PTGR2: variants seen among roughly 807,000 people sequenced by gnomAD.
PTGR2 encodes 15-oxoprostaglandin 13-reductase.
Under a neutral mutation model 43.4 loss-of-function variants are expected in PTGR2, and 32 were observed. The observed-to-expected ratio is 0.74, with a 90% CI of 0.56 to 0.99. The LOEUF is 0.99. Ranked by LOEUF, PTGR2 falls within the 50% of genes least tolerant of loss-of-function variation. PTGR2 has a pLI of 0.00. For synonymous variants in PTGR2, 106 were observed against 139.2 expected (o/e 0.76, Z 1.68); for missense variants, 373 against 420.0 (o/e 0.89, Z 0.98).
At chr14:73,853,975 G>GT in intron 1 of PTGR2, among the ~76,000 whole-genome samples, 1 of 152,190 alleles carries the variant, frequency 6.6e-6, no homozygotes, top group Admixed American at 6.5e-5. Context: ...GATTTGCTGA[G>GT]TTTTTTTCCC....
intron 3 of PTGR2, among the ~76,000 whole-genome samples, chr14:73,862,776 C>T (rs2054522269): frequency 6.6e-6 from 1 of 152,046 alleles, no homozygotes; most frequent in Admixed American, 6.5e-5. Flanking sequence ...GGTGTGAATA[C>T]AGCTCACTGC....
chr14:73,862,571 C>T (rs940456653), intron 3 of PTGR2, among the ~76,000 whole-genome samples: 7 of 151,968 alleles, frequency 4.6e-5, no homozygotes, highest in African/African-American at 9.7e-5. Context: ...AAAGAGTGCC[C>T]GTACAAAGGA....
intron 7 of PTGR2, 144 bp downstream of exon 7, chr14:73,880,320 C>A (rs2140275087): frequency 2.1e-6 from 2 of 949,428 alleles, no homozygotes; most frequent in African/African-American, 1.6e-5. Flanking sequence ...TGCCTGTAAT[C>A]CTAGCACTTT....
rs1055050615 is a variant in PTGR2, at chr14:73,857,205, T to A, written c.-47-1611T>A. Among the ~76,000 whole-genome samples the A allele has an allele frequency of 4.6e-5, 7 of 151,928 alleles. No individual in the cohort carries two copies. In the East Asian group the frequency reaches 1.4e-3, roughly 29 times the overall value. On this transcript the variant is annotated intron_variant, in intron 1 of 9. Coordinates refer to ENST00000555661, the MANE Select transcript of PTGR2 (RefSeq NM_001146154.2). ...ATTTTTAAATTCCTTGATATATTAC[T>A]TTTATTGTCAGCTAAACTATAAAGG...
chr14:73,865,667 G>A (rs138398190), intron 3 of PTGR2, among the ~76,000 whole-genome samples: 56 of 151,738 alleles, frequency 3.7e-4, no homozygotes, highest in African/African-American at 1.3e-3. Flanking sequence ...TAACTGGGAC[G>A]ATAGGTGCAA....
chr14:73,862,333 G>A (rs775034045), intron 3 of PTGR2, among the ~76,000 whole-genome samples: 28 of 151,858 alleles, frequency 1.8e-4, no homozygotes, highest in Non-Finnish European at 4.0e-4. Context: ...TCAGCCACCC[G>A]AGCAGCCAGG....
At chr14:73,879,382 A>C (rs1001086656) in intron 6 of PTGR2, 77 bp downstream of exon 6, 2 of 1,296,660 alleles carry the variant, frequency 1.5e-6, no homozygotes, top group Non-Finnish European at 2.2e-6. Context: ...AATACTGAGA[A>C]AAAAATTTAT....
chr14:73,866,882 C>T (rs1037740596), intron 3 of PTGR2, among the ~76,000 whole-genome samples: 2 of 151,570 alleles, frequency 1.3e-5, no homozygotes, highest in African/African-American at 4.8e-5. Context: ...TGAGGTCAGA[C>T]GTTCAGGACC....
chr14:73,868,027 T>C (rs2054641520), intron 3 of PTGR2, among the ~76,000 whole-genome samples: 1 of 152,122 alleles, frequency 6.6e-6, no homozygotes, highest in Non-Finnish European at 1.5e-5. Flanking sequence ...TGGCTCACGC[T>C]TGTAATCCTA....
chr14:73,883,000 T>C (rs1314910603), intron 9 of PTGR2, among the ~76,000 whole-genome samples: 3 of 150,502 alleles, frequency 2.0e-5, no homozygotes, highest in East Asian at 3.9e-4. Flanking sequence ...TTTGTATTTT[T>C]AGTAGAGACA....
At position 73,876,980 on chromosome 14, in the gene PTGR2, G is replaced by T. The variant is rs778037387; in HGVS notation, c.349-18G>T. The T allele has an allele frequency of 6.3e-7, 1 of 1,593,990 alleles. No homozygotes were observed. The highest frequency in any genetic ancestry group is 8.6e-7 in the Non-Finnish European group (1 of 1,165,228). Reference sequence around the variant, plus strand: ...CAGGAATTCCTAGTATTTTTAAAGGGTATATATTTTATTTTAGGTAGACCC... The same window carrying T: ...CAGGAATTCCTAGTATTTTTAAAGGTTATATATTTTATTTTAGGTAGACCC... On this transcript the variant is annotated intron_variant, in intron 4 of 9. Transcript: ENST00000555661.
Position 73,879,088 on chromosome 14 carries a change from C to T in PTGR2, c.520-8C>T, listed in dbSNP as rs1407076747. 1.9e-6 allele frequency: 3 copies of T among 1,610,510 alleles called. No homozygotes were observed. Among genetic ancestry groups the T allele is most frequent in the African/African-American group, 2.7e-5 (2 of 74,744 alleles). ...TAAAGCCATTTAATCTTCAAATTTC[C>T]CCCCTAGATTGGCCATTTCTTAGGT... On this transcript the variant is annotated splice_polypyrimidine_tract_variant and splice_region_variant and intron_variant, in intron 5 of 9. Coordinates refer to ENST00000555661, the MANE Select transcript of PTGR2 (RefSeq NM_001146154.2).
At chr14:73,857,377 C>T (rs1197078768) in intron 1 of PTGR2, among the ~76,000 whole-genome samples, 1 of 151,648 alleles carries the variant, frequency 6.6e-6, no homozygotes, top group Non-Finnish European at 1.5e-5. Flanking sequence ...CTTTGTGAGG[C>T]CAAGGTGGGC....
chr14:73,868,034 C>T (rs1352634468), intron 3 of PTGR2, among the ~76,000 whole-genome samples: 1 of 152,180 alleles, frequency 6.6e-6, no homozygotes, highest in Admixed American at 6.5e-5. Flanking sequence ...CGCTTGTAAT[C>T]CTAGCACTTT....
chr14:73,880,254 C>G, intron 7 of PTGR2, 78 bp downstream of exon 7: 2 of 1,513,164 alleles, frequency 1.3e-6, no homozygotes, highest in Non-Finnish European at 1.8e-6. Flanking sequence ...ATCTATTGTT[C>G]TTCATAGACA....
intron 1 of PTGR2, among the ~76,000 whole-genome samples, chr14:73,853,233 A>T (rs2140224000): frequency 6.6e-6 from 1 of 152,304 alleles, no homozygotes; most frequent in Admixed American, 6.5e-5. Flanking sequence ...TGGAAATAGC[A>T]GGTGCCGTGT....
At chr14:73,859,113 A>T in intron 2 of PTGR2, among the ~76,000 whole-genome samples, 1 of 152,150 alleles carries the variant, frequency 6.6e-6, no homozygotes, top group Non-Finnish European at 1.5e-5. Flanking sequence ...TTTTCAAGTG[A>T]TAACTTATCC....
At chr14:73,876,483 C>CTTTTTTTTTTTTTTTTTTTTT (rs766810794) in intron 4 of PTGR2, among the ~76,000 whole-genome samples, 2 of 108,566 alleles carry the variant, frequency 1.8e-5, no homozygotes, top group South Asian at 4.0e-4. Flanking sequence ...GACATAAGTC[C>CTTTTTTTTTTTTTTTTTTTTT]TTTTTTTTTT....
chr14:73,859,284 G>A (rs1409628942), intron 2 of PTGR2, among the ~76,000 whole-genome samples: 5 of 152,038 alleles, frequency 3.3e-5, no homozygotes, highest in Admixed American at 6.6e-5. Context: ...GTGCTGACAT[G>A]TAAACTGCAT....
Sources: gnomAD v4.1 joint callset for allele counts (sites outside exome capture counted in the v4.1 genomes callset) on GRCh38, gnomAD v4.1.1 for gene constraint, MANE v1.5 for transcripts, NCBI Gene and HGNC (gene_info 2026-07-23, HGNC 2026-07-21) for gene names.